MTA1: variants seen among roughly 807,000 people sequenced by gnomAD.
MTA1 encodes metastasis associated 1.
Under a neutral mutation model 97.0 loss-of-function variants are expected in MTA1, and 15 were observed. The observed-to-expected ratio is 0.15, with a 90% confidence interval of 0.10 to 0.24. The LOEUF (loss-of-function observed/expected upper bound fraction) is 0.24. MTA1 is among the 10% of genes least tolerant of loss of function. The pLI is 1.00. For missense variants in MTA1, 709 were observed against 1,015.1 expected (o/e 0.70, Z 4.10); for synonymous variants, 435 against 417.5 (o/e 1.04, Z -0.51).
intron 7 of MTA1, among the ~76,000 whole-genome samples, chr14:105,456,206 G>A (rs1396698431): frequency 2.0e-5 from 3 of 152,276 alleles, no homozygotes; most frequent in Non-Finnish European, 4.4e-5. Flanking sequence ...TGGAAAGGCA[G>A]AGTCCGTGGC....
At chr14:105,449,317 T>A in intron 3 of MTA1, 42 bp from the exon 4 acceptor site, 1 of 1,599,258 alleles carries the variant, frequency 6.3e-7, no homozygotes, top group Non-Finnish European at 8.5e-7. Context: ...GCCGCCACCC[T>A]GTGCTGACCG....
chr14:105,446,926 G>T (rs1555427333), intron 3 of MTA1, among the ~76,000 whole-genome samples: 1 of 152,196 alleles, frequency 6.6e-6, no homozygotes, highest in East Asian at 1.9e-4. Context: ...GTTCAAGGTG[G>T]GGCATGGTGA....
In MTA1 at chr14:105,445,601, A is replaced by C. The variant is rs1184460224; in HGVS notation, c.190+90A>C. 3 of 1,374,150 alleles carry C rather than the reference A, an allele frequency of 2.2e-6. No homozygotes were observed. In the Admixed American group the frequency reaches 5.6e-5, roughly 26 times the overall value. 85.1% of individuals were successfully genotyped at this position (1,374,150 alleles called of 1,614,324 possible). On this transcript the variant is annotated intron_variant, in intron 3 of 20. Coordinates refer to ENST00000331320, the MANE Select transcript of MTA1 (RefSeq NM_004689.4). ...TCCTTCTTCCCTAGGGCCCATCGGCATCCTGGCCTCGTGGGGCCACCCTCT... is the reference window on the plus strand; with the variant it reads ...TCCTTCTTCCCTAGGGCCCATCGGCCTCCTGGCCTCGTGGGGCCACCCTCT...
intron 6 of MTA1, among the ~76,000 whole-genome samples, 198 bp downstream of exon 6, chr14:105,450,522 G>T (rs587754284): frequency 1.3e-5 from 2 of 152,156 alleles, no homozygotes; most frequent in Admixed American, 6.5e-5. Flanking sequence ...CACCCTACGC[G>T]TCCAGAGTTG....
chr14:105,469,176 GC>G, intron 18 of MTA1: 2 of 621,794 alleles, frequency 3.2e-6, no homozygotes, highest in Non-Finnish European at 6.0e-6. Flanking sequence ...TGGGTGGACA[GC>G]CCCGGCCCCT....
rs1240392574 is a variant in MTA1, at chr14:105,424,981, C to G, written c.28+4918C>G. Among the ~76,000 whole-genome samples, 1 of 152,236 alleles carries G rather than the reference C, an allele frequency of 6.6e-6. No homozygotes were observed. The highest frequency in any genetic ancestry group is 1.5e-5 in the Non-Finnish European group (1 of 68,038). ...TGTCAAAACTGCTGCAGTGGCCCTG[C>G]AGGCATCCTACCTAGAGGTGGGTCC... On this transcript the variant is annotated intron_variant, in intron 1 of 20. Coordinates refer to ENST00000331320, the MANE Select transcript of MTA1 (RefSeq NM_004689.4). This position sits in a 1 kb window ranked among gnomAD's most constrained non-coding sequence, Gnocchi z 4.0.
Position 105,470,174 on chromosome 14 carries a change from C to G in MTA1, c.2107C>G (p.Pro703Ala), listed in dbSNP as rs1555434175. ...GGCCCTGCCGCCGCGGCCACCGCCA[C>G]CTGCGCCCGTCAACGACGAGCCCAT... The part of the protein sequence containing the change: ...SQALPPRPPP[P>A]APVNDEPIVI... Residue 703 changes from proline (P) to alanine (A), a missense_variant, in exon 21 of 21, where the codon CCT becomes GCT. Physicochemically the swap from Pro to Ala is conservative, Grantham distance 27. Transcript: ENST00000331320. 6.2e-7 allele frequency: 1 copy of G among 1,609,110 alleles called. No homozygotes were observed. The highest frequency in any genetic ancestry group is 8.5e-7 in the Non-Finnish European group (1 of 1,178,236).
intron 1 of MTA1, among the ~76,000 whole-genome samples, chr14:105,432,010 A>G (rs2141439998): frequency 6.6e-6 from 1 of 152,244 alleles, no homozygotes; most frequent in Non-Finnish European, 1.5e-5. Context: ...ACTTGATGTC[A>G]TCAGTTCTGT....
At chr14:105,444,054 C>G (rs2082631396) in intron 2 of MTA1, among the ~76,000 whole-genome samples, 1 of 150,188 alleles carries the variant, frequency 6.7e-6, no homozygotes, top group Admixed American at 6.7e-5. Flanking sequence ...CACCACTGCC[C>G]TCCAGCCTGG....
At chr14:105,445,299 G>T in intron 2 of MTA1, 119 bp from the exon 3 acceptor site, 1 of 805,450 alleles carries the variant, frequency 1.2e-6, no homozygotes, top group Non-Finnish European at 2.0e-6. Context: ...AGTCCCGAGG[G>T]GTGGTGTGGT....
chr14:105,445,733 G>C (rs2141541302), intron 3 of MTA1: 1 of 668,080 alleles, frequency 1.5e-6, no homozygotes, highest in African/African-American at 1.8e-5. Context: ...ACGCCCCCCG[G>C]AGTGGTCTGT....
intron 8 of MTA1, among the ~76,000 whole-genome samples, chr14:105,458,940 C>G (rs2083255792): frequency 6.6e-6 from 1 of 152,186 alleles, no homozygotes; most frequent in Non-Finnish European, 1.5e-5. Context: ...TCGCCACCTG[C>G]GGGCTGCTCC....
At chr14:105,451,973 G>C (rs587670810) in intron 6 of MTA1, among the ~76,000 whole-genome samples, 28 of 152,014 alleles carry the variant, frequency 1.8e-4, no homozygotes, top group Admixed American at 1.8e-3. Context: ...TGTATTTTTA[G>C]TAGAAATGGG....
chr14:105,427,704 G>A (rs1381999015), intron 1 of MTA1, among the ~76,000 whole-genome samples: 1 of 152,066 alleles, frequency 6.6e-6, no homozygotes, highest in African/African-American at 2.4e-5. Flanking sequence ...GACTCTGGGT[G>A]CGTGTATATT....
At chr14:105,441,750 C>G (rs754323293) in intron 2 of MTA1, among the ~76,000 whole-genome samples, 7 of 152,182 alleles carry the variant, frequency 4.6e-5, no homozygotes, top group East Asian at 3.9e-4. Context: ...GCCGAGATCC[C>G]GCCACTACAC....
chr14:105,449,119 C>T, intron 3 of MTA1: 1 of 499,078 alleles, frequency 2.0e-6, no homozygotes, highest in South Asian at 2.9e-5. Flanking sequence ...CCTCCACAGC[C>T]AGGCTTGTCT....
chr14:105,449,391 G>A lies in MTA1; in HGVS notation c.223G>A (p.Ala75Thr), dbSNP rs587733599. ...LSVCYKAGPG[A>T]DNGEEGEIEE... is the part of the protein sequence containing the mutation. ...AGTCTGCTATAAGGCCGGACCGGGGGCGGACAACGGCGAGGAAGGTAAGAG... is the reference window on the plus strand; with the variant it reads ...AGTCTGCTATAAGGCCGGACCGGGGACGGACAACGGCGAGGAAGGTAAGAG... The change falls in exon 4 of 21, where the codon GCG becomes ACG. Residue 75 changes from alanine to threonine, a missense_variant. This residue lies in a region of MTA1 where 321 missense variants were observed against 593.5 expected (regional missense o/e 0.54). Transcript: ENST00000331320. 3.4e-5 allele frequency: 55 copies of A among 1,612,214 alleles called. No homozygotes were observed. The South Asian group carries it at 5.5e-4, about 16-fold the overall frequency.
In MTA1 at chr14:105,463,486, T is replaced by A. The variant is rs781971311; in HGVS notation, c.1018-7T>A. The A allele has an allele frequency of 5.0e-6, 8 of 1,613,130 alleles. No individual in the cohort carries two copies. Among genetic ancestry groups the A allele is most frequent in the Non-Finnish European group, 6.8e-6 (8 of 1,179,928 alleles). On this transcript the variant is annotated splice_region_variant and splice_polypyrimidine_tract_variant and intron_variant, in intron 11 of 20. Transcript: ENST00000331320. This position sits in a 1 kb window ranked among gnomAD's most constrained non-coding sequence, Gnocchi z 5.9. ...TGCTGACCTCTGACCTTCTCTTTTG[T>A]TTTAAGAAACGCTTGAAAGCAGCTG...
At chr14:105,449,987 G>A (rs1170596249) in intron 4 of MTA1, 71 bp from the exon 5 acceptor site, 35 of 1,601,870 alleles carry the variant, frequency 2.2e-5, no homozygotes, top group Non-Finnish European at 2.9e-5. Flanking sequence ...GCCAGGTGGG[G>A]CTGGTGGGGT....
Sources: allele counts gnomAD v4.1 joint callset (sites outside exome capture counted in the v4.1 genomes callset), GRCh38; gene constraint gnomAD v4.1.1; regional missense constraint gnomAD v4.1.1; non-coding constraint Gnocchi (gnomAD v3.1); transcripts MANE v1.5; gene names NCBI Gene and HGNC (gene_info 2026-07-23, HGNC 2026-07-21).